The following DOCK5 variants were observed in gnomAD, a reference collection of about 807,000 sequenced individuals.
DOCK5 encodes dedicator of cytokinesis 5, also known as dedicator of cytokinesis protein 5.
Under a neutral mutation model 251.8 loss-of-function variants are expected in DOCK5, and 142 were observed. The ratio of observed to expected loss-of-function variants is 0.56; its 90% CI spans 0.49 to 0.65. The LOEUF is 0.65. Ranked by LOEUF, DOCK5 falls within the 30% of genes least tolerant of loss-of-function variation. The pLI is 0.00. For synonymous variants in DOCK5, 842 were observed against 835.5 expected, an observed-to-expected ratio of 1.01 and a Z score of -0.13; for missense variants, 2,111 against 2,312.3, an observed-to-expected ratio of 0.91 and a Z score of 1.79.
intron 4 of DOCK5, 123 bp downstream of exon 4, chr8:25,275,564 G>GCCACCACGCC: frequency 4.2e-6 from 4 of 958,128 alleles, no homozygotes; most frequent in Non-Finnish European, 6.1e-6. Context: ...GCCAGGCGTG[G>GCCACCACGCC]TGGCTCACGC....
At position 25,372,733 on chromosome 8, in the gene DOCK5, T is replaced by C. The variant is rs776028530; in HGVS notation, c.3684+15T>C. The C allele has an allele frequency of 5.6e-6, 9 of 1,605,828 alleles. No individual in the cohort carries two copies. The Admixed American group carries it at 8.5e-5, about 15-fold the overall frequency. ...TGAACGTGCTGGTATGTGACATGCC[T>C]CCGGTGTGATGGGAGGGTACTGTCA... On this transcript the variant is annotated intron_variant, in intron 35 of 51. Coordinates refer to ENST00000276440, the MANE Select transcript of DOCK5 (RefSeq NM_024940.8).
intron 1 of DOCK5, among the ~76,000 whole-genome samples, chr8:25,219,316 G>C (rs556256388): frequency 1.3e-5 from 2 of 152,172 alleles, no homozygotes; most frequent in Non-Finnish European, 1.5e-5. Flanking sequence ...TATCCCCTCT[G>C]ATAATCTGTC....
chr8:25,238,685 A>T (rs1312847909), intron 1 of DOCK5, among the ~76,000 whole-genome samples: 2 of 152,222 alleles, frequency 1.3e-5, no homozygotes, highest in African/African-American at 4.8e-5. Flanking sequence ...TTCTTGAGTG[A>T]TGGGAAACCA....
chr8:25,399,809 C>A, intron 45 of DOCK5, 102 bp from the exon 46 acceptor site: 4 of 807,176 alleles, frequency 5.0e-6, no homozygotes, highest in Admixed American at 2.3e-5. Flanking sequence ...TTTAGTTAGA[C>A]ACATCTGGTT....
intron 5 of DOCK5, among the ~76,000 whole-genome samples, chr8:25,289,798 C>T (rs191985012): frequency 1.3e-5 from 2 of 152,060 alleles, no homozygotes; most frequent in East Asian, 2.0e-4. Context: ...GCTGAGATCA[C>T]GCCATTGCAC....
At chr8:25,376,103 GAA>G (rs59845416) in intron 37 of DOCK5, 354,665 of 925,008 alleles carry the variant, frequency 0.38, 18,163 homozygotes, top group Admixed American at 0.47. Flanking sequence ...TGTCTCAAAA[GAA>G]AAAAAAAAAA....
chr8:25,250,302 A>G (rs1803232182), intron 2 of DOCK5, among the ~76,000 whole-genome samples: 1 of 152,202 alleles, frequency 6.6e-6, no homozygotes, highest in African/African-American at 2.4e-5. Context: ...GAAGCTATCT[A>G]CTGCTCATCC....
At chr8:25,405,680 C>T (rs1379449959) in intron 48 of DOCK5, among the ~76,000 whole-genome samples, 2 of 152,120 alleles carry the variant, frequency 1.3e-5, no homozygotes, top group African/African-American at 2.4e-5. Flanking sequence ...TTATTAGGAT[C>T]ATGTTAAATG....
At chr8:25,266,875 G>A (rs1232353883) in intron 2 of DOCK5, among the ~76,000 whole-genome samples, 1 of 149,734 alleles carries the variant, frequency 6.7e-6, no homozygotes, top group African/African-American at 2.6e-5. Context: ...GACAGGCTTA[G>A]GAAGCATAAT....
intron 14 of DOCK5, 186 bp downstream of exon 14, chr8:25,317,317 T>C (rs1413575756): frequency 1.6e-6 from 1 of 635,492 alleles, no homozygotes; most frequent in African/African-American, 1.8e-5. Flanking sequence ...CTATCTAGAC[T>C]CTTCTAGACT....
Position 25,408,157 on chromosome 8 carries a change from A to G in DOCK5, c.5265+3A>G, listed in dbSNP as rs1384668846. On this transcript the variant is annotated splice_donor_region_variant and intron_variant, in intron 49 of 51. Transcript: ENST00000276440. Reference sequence around the variant, plus strand: ...AAGCACCAGAACCCGATTTGATGGTAAAAAACAGAAAAGAAAAAAAGAAAT... The same window carrying G: ...AAGCACCAGAACCCGATTTGATGGTGAAAAACAGAAAAGAAAAAAAGAAAT... The G allele has an allele frequency of 1.3e-6, 2 of 1,566,276 alleles. No individual in the cohort carries two copies. Among genetic ancestry groups the G allele is most frequent in the East Asian group, 2.3e-5 (1 of 42,558 alleles).
At chr8:25,410,968 TGTGTGCGCGCGCGCGCACGCACGCAC>T (rs1460320241) in intron 51 of DOCK5, among the ~76,000 whole-genome samples, 200 bp from the exon 52 acceptor site, 2 of 28,234 alleles carry the variant, frequency 7.1e-5, no homozygotes, top group African/African-American at 2.4e-4. Flanking sequence ...TGTGTGTGTG[TGTGTGCGCGCGCGCGCACGCACGCAC>T]GCACGCACGC....
intron 1 of DOCK5, among the ~76,000 whole-genome samples, chr8:25,220,466 A>G (rs980005461): frequency 8.5e-5 from 13 of 152,148 alleles, no homozygotes; most frequent in African/African-American, 3.1e-4. Context: ...TTCTGATTTC[A>G]TACCGAGGCA....
intron 32 of DOCK5, 49 bp from the exon 33 acceptor site, chr8:25,368,522 T>C (rs1050763298): frequency 1.3e-6 from 2 of 1,552,136 alleles, no homozygotes; most frequent in African/African-American, 2.8e-5. Context: ...TTTAACACTT[T>C]ACTTTCAGTG....
At position 25,403,722 on chromosome 8, in the gene DOCK5, T is replaced by C. The variant is rs747590108; in HGVS notation, c.5091T>C (p.Asp1697=). The C allele has an allele frequency of 6.2e-7, 1 of 1,613,850 alleles. No homozygotes were observed. Among genetic ancestry groups the C allele is most frequent in the African/African-American group, 1.3e-5 (1 of 75,046 alleles). Residue 1697 remains aspartate, a splice_region_variant and synonymous_variant, in exon 48 of 52, where the codon GAT becomes GAC. Coordinates refer to ENST00000276440, the MANE Select transcript of DOCK5 (RefSeq NM_024940.8). ...SDNAPSRPGS[D]GSILEPLLER... ...ATGCTCCTTCCAGACCGGGATCTGA[T>C]GGGTAAGGGTTTCATCTTTAATCTG...
At chr8:25,196,634 C>A (rs1430318506) in intron 1 of DOCK5, among the ~76,000 whole-genome samples, 1 of 152,120 alleles carries the variant, frequency 6.6e-6, no homozygotes, top group East Asian at 1.9e-4. Context: ...TTTGTGTTTT[C>A]TCCTCATCTA....
intron 16 of DOCK5, among the ~76,000 whole-genome samples, chr8:25,322,178 C>G (rs1473035243): frequency 6.6e-6 from 1 of 152,212 alleles, no homozygotes; most frequent in Non-Finnish European, 1.5e-5. Flanking sequence ...AGGCCCTGGT[C>G]TATGACAGCC....
intron 5 of DOCK5, among the ~76,000 whole-genome samples, chr8:25,291,561 T>A (rs1173360935): frequency 1.3e-5 from 2 of 151,686 alleles, no homozygotes; most frequent in African/African-American, 4.8e-5. Context: ...CATGCTCCTG[T>A]AGTCCCAGCT....
intron 47 of DOCK5, 81 bp from the exon 48 acceptor site, chr8:25,403,477 A>G: frequency 6.7e-7 from 1 of 1,502,024 alleles, no homozygotes; most frequent in East Asian, 2.3e-5. Flanking sequence ...CTGGTTAGCC[A>G]CAAGCAAACA....
Sources: gnomAD v4.1 joint callset for allele counts (sites outside exome capture counted in the v4.1 genomes callset) on GRCh38, gnomAD v4.1.1 for gene constraint, MANE v1.5 for transcripts, NCBI Gene and HGNC (gene_info 2026-07-23, HGNC 2026-07-21) for gene names.